ESR2: variants seen among roughly 807,000 people sequenced by gnomAD.
ESR2 encodes estrogen receptor 2, also known as estrogen receptor beta.
A neutral mutation model predicts 49.6 loss-of-function variants in ESR2; 36 were observed. The ratio of observed to expected loss-of-function variants is 0.73; its 90% confidence interval spans 0.56 to 0.96. The LOEUF is 0.96. ESR2 is among the 40% of genes least tolerant of loss of function. The pLI, the probability that ESR2 is intolerant of heterozygous loss-of-function variation, is 0.00. For missense variants in ESR2, 714 were observed against 693.0 expected (o/e 1.03, Z -0.34); for synonymous variants, 320 against 266.1 (o/e 1.20, Z -1.97).
chr14:64,242,945 G>A (rs2075770252), intron 7 of ESR2, among the ~76,000 whole-genome samples: 1 of 152,244 alleles, frequency 6.6e-6, no homozygotes, highest in South Asian at 2.1e-4. Flanking sequence ...GACAAGAGAA[G>A]AGGGCTTGTG....
chr14:64,285,133 G>A (rs938602551), intron 1 of ESR2, among the ~76,000 whole-genome samples: 1 of 152,134 alleles, frequency 6.6e-6, no homozygotes, highest in East Asian at 1.9e-4. Context: ...ACAGGCGTGA[G>A]CCACTGTGCC....
intron 8 of ESR2, chr14:64,234,683 A>G: frequency 3.6e-6 from 2 of 558,356 alleles, no homozygotes; most frequent in Non-Finnish European, 6.0e-6. Context: ...TAGGGGAGGA[A>G]CTGCCCCTTT....
At chr14:64,338,227 C>T (rs2077556080), upstream of ESR2, 1 of 155,500 alleles carries the variant, frequency 6.4e-6, no homozygotes, top group African/African-American at 2.4e-5. Context: ...CCCGGGGTGA[C>T]CCCAACACAG....
intron 4 of ESR2, among the ~76,000 whole-genome samples, chr14:64,266,443 A>C (rs1276239121): frequency 6.6e-6 from 1 of 152,244 alleles, no homozygotes; most frequent in Non-Finnish European, 1.5e-5. Context: ...TCCAACCTCC[A>C]TGCTCTTCCC....
At chr14:64,257,996 T>G (rs941394920) in intron 5 of ESR2, among the ~76,000 whole-genome samples, 5 of 152,020 alleles carry the variant, frequency 3.3e-5, no homozygotes, top group Non-Finnish European at 2.9e-5. Context: ...GTGGGTGGAT[T>G]GCCTGCACCC....
chr14:64,247,314 AGAGT>A (rs1364534064), intron 7 of ESR2, among the ~76,000 whole-genome samples: 2 of 140,160 alleles, frequency 1.4e-5, no homozygotes, highest in Admixed American at 7.1e-5. Context: ...CCTGGTCAAC[AGAGT>A]GAGGCTCTGT....
chr14:64,268,357 G>A (rs1023308478), intron 4 of ESR2, among the ~76,000 whole-genome samples: 1 of 152,136 alleles, frequency 6.6e-6, no homozygotes, highest in African/African-American at 2.4e-5. Flanking sequence ...CCTCCCCATG[G>A]CTACCCCAGT....
Position 64,229,594 on chromosome 14 carries a change from T to C in ESR2, c.*3543A>G, listed in dbSNP as rs2098725344. 6.6e-6 allele frequency among the ~76,000 whole-genome samples: 1 copy of C among 152,166 alleles called. No individual in the cohort carries two copies. The highest frequency in any genetic ancestry group is 1.5e-5 in the Non-Finnish European group (1 of 68,036). On this transcript the variant is annotated 3_prime_UTR_variant, in exon 9 of 9. Transcript: ENST00000341099. ...GTTGCACCTGATAGATTCTGCAGTT[T>C]TAAAATATTTTTCTTTAAATTTTTA...
intron 1 of ESR2, among the ~76,000 whole-genome samples, chr14:64,316,078 T>C (rs2077251430): frequency 6.6e-6 from 1 of 152,184 alleles, no homozygotes; most frequent in African/African-American, 2.4e-5. Context: ...AGCATGATCA[T>C]AGCTCATTGT....
intron 7 of ESR2, among the ~76,000 whole-genome samples, chr14:64,244,497 G>T (rs1436664183): frequency 6.6e-6 from 1 of 151,958 alleles, no homozygotes; most frequent in Non-Finnish European, 1.5e-5. Flanking sequence ...TGCCCAGATA[G>T]AACGAAATGG....
chr14:64,239,264 A>G (rs2075670645), intron 7 of ESR2, among the ~76,000 whole-genome samples: 1 of 152,022 alleles, frequency 6.6e-6, no homozygotes, highest in African/African-American at 2.4e-5. Context: ...GTCAACAGAA[A>G]AGGACCCCCG....
chr14:64,307,197 T>A (rs1206448106), intron 1 of ESR2, among the ~76,000 whole-genome samples: 1 of 151,468 alleles, frequency 6.6e-6, no homozygotes, highest in Non-Finnish European at 1.5e-5. Context: ...ATTAATTTAA[T>A]TTAATTTATT....
intron 1 of ESR2, among the ~76,000 whole-genome samples, chr14:64,302,160 TTTTATTTATTTA>T (rs80326062): frequency 2.6e-3 from 357 of 138,198 alleles, no homozygotes; most frequent in African/African-American, 8.7e-3. Context: ...TATTTTTTAT[TTTTATTTATTTA>T]TTTATTTATT....
rs916114963 is a variant in ESR2, at chr14:64,283,704, T to C, written c.-90-629A>G. Among the ~76,000 whole-genome samples, 6 of 130,712 alleles carry C rather than the reference T, an allele frequency of 4.6e-5. No individual in the cohort carries two copies. The South Asian group carries it at 1.5e-3, about 32-fold the overall frequency. 85.8% of individuals were successfully genotyped at this position (130,712 alleles called of 152,430 possible). A position where few individuals can be genotyped will look rare whatever the true frequency, so the allele number is the denominator to read the frequency against. On this transcript the variant is annotated intron_variant, in intron 1 of 8. Transcript: ENST00000341099. ...CAGAGGTTGTAGTGAGCAGAGATTG[T>C]GCCACCGCGCTCCAGCCTGGGTGAT...
intron 5 of ESR2, among the ~76,000 whole-genome samples, chr14:64,258,128 G>C (rs2076141321): frequency 6.6e-6 from 1 of 152,106 alleles, no homozygotes; most frequent in South Asian, 2.1e-4. Context: ...ATGATCGCCT[G>C]AGCCCAGGAG....
At position 64,232,458 on chromosome 14, in the gene ESR2, AT is replaced by A. The variant is rs2098728166; in HGVS notation, c.*678del. On this transcript the variant is annotated 3_prime_UTR_variant, in exon 9 of 9. Transcript: ENST00000341099. ...AAAATGATCACACGCTCATACACAC[AT>A]ACCCCAAATTATTGGCAGGCTCTGT... 1 of 152,256 alleles carries A rather than the reference AT, an allele frequency of 6.6e-6. No homozygotes were observed. The highest frequency in any genetic ancestry group is 2.1e-4 in the South Asian group (1 of 4,830). The allele number at this position is 152,256 out of a possible 1,614,324, so 9.4% of individuals were successfully genotyped here. A position where few individuals can be genotyped will look rare whatever the true frequency, so the allele number is the denominator to read the frequency against.
intron 4 of ESR2, among the ~76,000 whole-genome samples, chr14:64,265,679 G>A (rs952952295): frequency 1.3e-5 from 2 of 152,134 alleles, no homozygotes; most frequent in Non-Finnish European, 2.9e-5. Context: ...TTACATTTCA[G>A]TATATCCTTA....
At chr14:64,327,791 C>A (rs1453623175) in intron 1 of ESR2, among the ~76,000 whole-genome samples, 1 of 151,874 alleles carries the variant, frequency 6.6e-6, no homozygotes, top group East Asian at 1.9e-4. Context: ...GTCACTTGAA[C>A]CCAGGAGGCA....
chr14:64,265,036 G>C (rs1322542543), intron 4 of ESR2, among the ~76,000 whole-genome samples: 1 of 152,096 alleles, frequency 6.6e-6, no homozygotes, highest in Non-Finnish European at 1.5e-5. Flanking sequence ...AAATTTACTT[G>C]ACAAATTTTC....
Sources: gnomAD v4.1 joint callset for allele counts (sites outside exome capture counted in the v4.1 genomes callset) on GRCh38, gnomAD v4.1.1 for gene constraint, MANE v1.5 for transcripts, NCBI Gene and HGNC (gene_info 2026-07-23, HGNC 2026-07-21) for gene names.